NAA11: variants seen among roughly 807,000 people sequenced by gnomAD.
The protein encoded by NAA11 is N-alpha-acetyltransferase 11, NatA catalytic subunit, also known as N-alpha-acetyltransferase 11.
In NAA11, 15 loss-of-function variants were observed where a neutral mutation model predicts 16.1. The observed-to-expected ratio is 0.93, with a 90% confidence interval of 0.62 to 1.44. NAA11 has a LOEUF of 1.44. NAA11 is among the 40% of genes most tolerant of loss of function. The pLI, the probability that NAA11 is intolerant of heterozygous loss-of-function variation, is 0.00. For missense variants in NAA11, 298 were observed against 291.3 expected (o/e 1.02, Z -0.17); for synonymous variants, 122 against 112.4 (o/e 1.09, Z -0.54).
At chr4:79,311,208 A>G (rs968563143) in intron 1 of NAA11, among the ~76,000 whole-genome samples, 1 of 152,196 alleles carries the variant, frequency 6.6e-6, no homozygotes, top group East Asian at 1.9e-4. Context: ...TTTAATAAGA[A>G]TTGTACTGGC....
chr4:79,219,069 C>G, the NAA11 span, among the ~76,000 whole-genome samples: 3 of 151,590 alleles, frequency 2.0e-5, no homozygotes, highest in South Asian at 6.3e-4. Context: ...TGGGTTATGC[C>G]CTTTTACTTT....
At chr4:79,163,316 C>A in the NAA11 span, among the ~76,000 whole-genome samples, 1 of 152,108 alleles carries the variant, frequency 6.6e-6, no homozygotes, top group Admixed American at 6.6e-5. Flanking sequence ...TTGACTACTG[C>A]GTGAGGCTTT....
At chr4:79,190,498 C>T in the NAA11 span, among the ~76,000 whole-genome samples, 4 of 148,368 alleles carry the variant, frequency 2.7e-5, no homozygotes, top group African/African-American at 1.0e-4. Flanking sequence ...CTGTTAACAA[C>T]TTAGCAATTA....
intron 2 of NAA11, among the ~76,000 whole-genome samples, chr4:79,246,931 C>A (rs181521053): frequency 1.8e-4 from 27 of 152,220 alleles, no homozygotes; most frequent in Admixed American, 5.2e-4. Flanking sequence ...GCTCTTTGGG[C>A]CCCAGTTTTG....
At chr4:79,254,582 A>G (rs1264138587) in intron 2 of NAA11, among the ~76,000 whole-genome samples, 1 of 151,690 alleles carries the variant, frequency 6.6e-6, no homozygotes, top group East Asian at 1.9e-4. Context: ...TAATTTGTGA[A>G]TAAGATACAT....
At chr4:79,206,405 A>AG in the NAA11 span, among the ~76,000 whole-genome samples, 1 of 152,130 alleles carries the variant, frequency 6.6e-6, no homozygotes, top group Non-Finnish European at 1.5e-5. Flanking sequence ...AATAAATAGT[A>AG]ACTTCTCTTA....
intron 2 of NAA11, among the ~76,000 whole-genome samples, chr4:79,293,046 A>C (rs1723123455): frequency 6.6e-6 from 1 of 152,176 alleles, no homozygotes; most frequent in South Asian, 2.1e-4. Context: ...TAAAGAAAAA[A>C]AGTATAGTTT....
chr4:79,186,242 C>T, the NAA11 span, among the ~76,000 whole-genome samples: 1 of 152,088 alleles, frequency 6.6e-6, no homozygotes, highest in African/African-American at 2.4e-5. Flanking sequence ...TATCAAAATA[C>T]CTGTTGAATT....
the NAA11 span, among the ~76,000 whole-genome samples, chr4:79,187,777 A>C: frequency 6.6e-6 from 1 of 152,084 alleles, no homozygotes; most frequent in African/African-American, 2.4e-5. Context: ...CGGGCTGATC[A>C]CGAGGTCAGG....
intron 2 of NAA11, among the ~76,000 whole-genome samples, chr4:79,277,573 C>T (rs981448295): frequency 6.6e-6 from 1 of 152,002 alleles, no homozygotes. Flanking sequence ...TTAACTTCCT[C>T]GTAAAGCAAT....
intron 1 of NAA11, chr4:79,308,209 T>C (rs1366910167): frequency 2.0e-5 from 3 of 152,232 alleles, no homozygotes; most frequent in Non-Finnish European, 2.9e-5. Context: ...TAGATTACTA[T>C]AGATCATTCC....
intron 1 of NAA11, among the ~76,000 whole-genome samples, chr4:79,298,717 T>A (rs1387356571): frequency 6.6e-6 from 1 of 152,126 alleles, no homozygotes; most frequent in Non-Finnish European, 1.5e-5. Context: ...TTGGCAAGCA[T>A]GAGACCCAGA....
the NAA11 span, among the ~76,000 whole-genome samples, chr4:79,200,848 A>G: frequency 6.6e-6 from 1 of 151,658 alleles, no homozygotes; most frequent in Non-Finnish European, 1.5e-5. Flanking sequence ...TTCCTAGCTC[A>G]TGACAAAATT....
At chr4:79,220,981 C>T (rs1156897142), downstream of NAA11, among the ~76,000 whole-genome samples, 3 of 151,662 alleles carry the variant, frequency 2.0e-5, no homozygotes, top group Admixed American at 6.6e-5. Context: ...GCCATTTTCA[C>T]GATATTGATT....
the NAA11 span, among the ~76,000 whole-genome samples, chr4:79,172,168 T>A: frequency 6.6e-6 from 1 of 152,146 alleles, no homozygotes; most frequent in Non-Finnish European, 1.5e-5. Context: ...TTTTATCACT[T>A]ATACGTTGGA....
downstream of NAA11, among the ~76,000 whole-genome samples, chr4:79,222,749 A>G (rs1391060295): frequency 6.6e-6 from 1 of 151,304 alleles, no homozygotes; most frequent in African/African-American, 2.4e-5. Context: ...TACTCATCTG[A>G]CAAAGGGCTA....
At position 79,326,000 on chromosome 4, in the gene NAA11, G is replaced by T; in HGVS notation, c.-123C>A. On this transcript the variant is annotated 5_prime_UTR_variant, in exon 1 of 2. Transcript: ENST00000286794. ...GGGGCTAACACCACCGGGCTGAATC[G>T]TGTGGAGGGCGGATGGCGGGAAGGC... 1.3e-6 allele frequency: 1 copy of T among 790,672 alleles called. No individual in the cohort carries two copies. The highest frequency in any genetic ancestry group is 2.0e-6 in the Non-Finnish European group (1 of 494,940). The allele number at this position is 790,672 out of a possible 1,614,324, so 49.0% of individuals were successfully genotyped here.
intron 2 of NAA11, among the ~76,000 whole-genome samples, chr4:79,266,438 C>CA (rs1722347156): frequency 6.6e-6 from 1 of 152,124 alleles, no homozygotes; most frequent in Non-Finnish European, 1.5e-5. Flanking sequence ...TGAAGAGAGA[C>CA]AAAAGAAACC....
chr4:79,267,049 A>C (rs1475553389), intron 2 of NAA11, among the ~76,000 whole-genome samples: 2 of 152,222 alleles, frequency 1.3e-5, no homozygotes, highest in African/African-American at 2.4e-5. Flanking sequence ...ATTTACCCAC[A>C]TTGTATCAAG....
Sources: allele counts gnomAD v4.1 joint callset (sites outside exome capture counted in the v4.1 genomes callset), GRCh38; gene constraint gnomAD v4.1.1; transcripts MANE v1.5; gene names NCBI Gene and HGNC (gene_info 2026-07-23, HGNC 2026-07-21).